USP34: variants seen among roughly 807,000 people sequenced by gnomAD.
USP34 encodes ubiquitin carboxyl-terminal hydrolase 34.
Under a neutral mutation model 460.3 loss-of-function variants are expected in USP34, and 70 were observed. The ratio of observed to expected loss-of-function variants is 0.15; its 90% CI spans 0.13 to 0.19. USP34 has a LOEUF of 0.19. Ranked by LOEUF, USP34 falls within the 10% of genes least tolerant of loss-of-function variation. The pLI, the probability that USP34 is intolerant of heterozygous loss-of-function variation, is 1.00. For synonymous variants in USP34, 1,647 were observed against 1,405.3 expected (o/e 1.17, Z -3.85); for missense variants, 3,985 against 4,236.2 (o/e 0.94, Z 1.65).
intron 1 of USP34, among the ~76,000 whole-genome samples, chr2:61,455,202 A>G (rs1695401517): frequency 6.6e-6 from 1 of 151,126 alleles, no homozygotes; most frequent in African/African-American, 2.4e-5. Flanking sequence ...TTTTTGAGAC[A>G]GAGTCTCCGT....
At chr2:61,382,956 A>G (rs1373949065) in intron 6 of USP34, among the ~76,000 whole-genome samples, 1 of 152,210 alleles carries the variant, frequency 6.6e-6, no homozygotes, top group Non-Finnish European at 1.5e-5. Context: ...CTTCTCTGCT[A>G]TATCCTCAGT....
chr2:61,397,994 T>A (rs2922089), intron 3 of USP34, among the ~76,000 whole-genome samples: 1 of 151,688 alleles, frequency 6.6e-6, no homozygotes, highest in Non-Finnish European at 1.5e-5. Flanking sequence ...TTGAACCCGC[T>A]TGGGGGAGGG....
intron 41 of USP34, among the ~76,000 whole-genome samples, chr2:61,268,344 T>A (rs1321145589): frequency 6.7e-6 from 1 of 148,472 alleles, no homozygotes; most frequent in African/African-American, 2.5e-5. Flanking sequence ...GTGAGAGGTG[T>A]TCGAGTCATC....
At chr2:61,328,563 CTCTGT>C (rs892939782) in intron 20 of USP34, among the ~76,000 whole-genome samples, 6 of 152,132 alleles carry the variant, frequency 3.9e-5, no homozygotes, top group South Asian at 4.1e-4. Context: ...GACAACATCT[CTCTGT>C]TCTAAGAGTT....
chr2:61,343,841 G>C lies in USP34; in HGVS notation c.2474C>G (p.Ser825Cys), dbSNP rs1480478884. 6.2e-7 allele frequency: 1 copy of C among 1,613,926 alleles called. No homozygotes were observed. The highest frequency in any genetic ancestry group is 1.1e-5 in the South Asian group (1 of 91,080). The stretch of plus-strand genomic sequence containing the variant: ...TTGACTAAGATGTTCATGGTAAATG[G>C]AAGCTAAATTGGGAAGATGTTGTTG... Reference protein sequence around the residue: ...HLQQHLPNLASIYHEHLSQGP... With the variant: ...HLQQHLPNLACIYHEHLSQGP... The change falls in exon 16 of 80, where the codon TCC (serine) becomes TGC (cysteine). Residue 825 changes from serine (S) to cysteine (C), a missense_variant. Coordinates refer to ENST00000398571, the MANE Select transcript of USP34 (RefSeq NM_014709.4).
chr2:61,374,029 G>A (rs569537771), intron 8 of USP34, among the ~76,000 whole-genome samples: 58 of 152,100 alleles, frequency 3.8e-4, no homozygotes, highest in African/African-American at 1.3e-3. Flanking sequence ...GGTGGCAGGT[G>A]CCTATAATCC....
At chr2:61,303,951 G>A (rs770469643) in intron 27 of USP34, among the ~76,000 whole-genome samples, 56 of 152,120 alleles carry the variant, frequency 3.7e-4, no homozygotes, top group Admixed American at 7.2e-4. Context: ...AGGCTGGAGT[G>A]CAATGGCATG....
rs1447565802 is a variant in USP34 at position 61,221,611 on chromosome 2, A to G, written c.7795-5T>C. 1.9e-6 allele frequency: 3 copies of G among 1,613,532 alleles called. No homozygotes were observed. Among genetic ancestry groups the G allele is most frequent in the Admixed American group, 1.7e-5 (1 of 59,950 alleles). On this transcript the variant is annotated splice_region_variant and splice_polypyrimidine_tract_variant and intron_variant, in intron 65 of 79. Transcript: ENST00000398571. Reference sequence around the variant, plus strand: ...CTTAAAGAAAGGATTGGCTGCCTGTAAAACACATACATGACTGTGTATTTA... The same window carrying G: ...CTTAAAGAAAGGATTGGCTGCCTGTGAAACACATACATGACTGTGTATTTA...
In USP34 at chr2:61,274,454, A is replaced by C. The variant is rs542782805; in HGVS notation, c.5433+3711T>G. Among the ~76,000 whole-genome samples, 5 of 152,148 alleles carry C rather than the reference A, an allele frequency of 3.3e-5. No homozygotes were observed. The South Asian group carries it at 8.3e-4, about 25-fold the overall frequency. On this transcript the variant is annotated intron_variant, in intron 41 of 79. Transcript: ENST00000398571. ...ATGAAGTCAAGACAGAAAAAAAAAA[A>C]AAACTTGCAATTCATATTACAGTGA... is the stretch of plus-strand genomic sequence containing the variant.
intron 1 of USP34, among the ~76,000 whole-genome samples, chr2:61,458,097 T>C (rs564089356): frequency 3.3e-5 from 5 of 152,270 alleles, no homozygotes; most frequent in South Asian, 4.1e-4. Flanking sequence ...GTTGCAATCA[T>C]AGAACTGATA....
intron 7 of USP34, among the ~76,000 whole-genome samples, chr2:61,379,585 C>G (rs964609703): frequency 3.3e-5 from 5 of 152,154 alleles, no homozygotes; most frequent in African/African-American, 1.2e-4. Context: ...GGGACTGCAA[C>G]AAACCGGAGA....
At chr2:61,189,215 A>G (rs187139509) in intron 78 of USP34, 146 bp from the exon 79 acceptor site, 41 of 838,018 alleles carry the variant, frequency 4.9e-5, no homozygotes, top group Non-Finnish European at 7.4e-5. Context: ...TAGAATGATA[A>G]AACCAGAAAG....
chr2:61,446,399 A>G (rs544282958), intron 1 of USP34, among the ~76,000 whole-genome samples: 1 of 152,346 alleles, frequency 6.6e-6, no homozygotes, highest in African/African-American at 2.4e-5. Context: ...TTTGTCTTAA[A>G]TATTTTCTTC....
intron 10 of USP34, among the ~76,000 whole-genome samples, chr2:61,360,277 T>C (rs1692235485): frequency 6.6e-6 from 1 of 152,112 alleles, no homozygotes; most frequent in African/African-American, 2.4e-5. Flanking sequence ...CAAATGATCA[T>C]ATATATGTAG....
intron 1 of USP34, among the ~76,000 whole-genome samples, chr2:61,435,326 A>AAAAAAAAAAAAAAC (rs1694782737): frequency 6.7e-6 from 1 of 150,202 alleles, no homozygotes; most frequent in Non-Finnish European, 1.5e-5. Context: ...AAAAAAAAAA[A>AAAAAAAAAAAAAAC]AAAGAACTCT....
In USP34 at chr2:61,368,085, A is replaced by G. The variant is rs181892406; in HGVS notation, c.1251+2236T>C. Among the ~76,000 whole-genome samples, 7 of 152,294 alleles carry G rather than the reference A, an allele frequency of 4.6e-5. No homozygotes were observed. The East Asian group carries it at 7.7e-4, about 17-fold the overall frequency. On this transcript the variant is annotated intron_variant, in intron 10 of 79. Transcript: ENST00000398571. ...TATGGGTGACAGGGTCTCTGTTATGATTACTGAACTCTGCTGTTGTGCTGT... is the reference window on the plus strand; with the variant it reads ...TATGGGTGACAGGGTCTCTGTTATGGTTACTGAACTCTGCTGTTGTGCTGT...
chr2:61,398,460 C>T (rs1404597493), intron 3 of USP34, among the ~76,000 whole-genome samples: 2 of 85,232 alleles, frequency 2.3e-5, no homozygotes, highest in Admixed American at 1.7e-4. Flanking sequence ...GGGGGAAGGA[C>T]GGAGAAGCGG....
Position 61,202,356 on chromosome 2 carries a change from G to C in USP34, c.9508+784C>G, listed in dbSNP as rs1202937945. The stretch of plus-strand genomic sequence containing the variant: ...TTCACGTCCCACTCTGAAAACTATA[G>C]AACATTGGAGAGGATCCTGGCCCAT... On this transcript the variant is annotated intron_variant, in intron 75 of 79. Transcript: ENST00000398571. 3.9e-5 allele frequency among the ~76,000 whole-genome samples: 6 copies of C among 152,104 alleles called. 1 individual carries two copies. The highest frequency in any genetic ancestry group is 7.4e-5 in the Non-Finnish European group (5 of 68,020).
intron 5 of USP34, among the ~76,000 whole-genome samples, chr2:61,387,780 GTA>G (rs1203113932): frequency 2.2e-5 from 3 of 139,170 alleles, no homozygotes; most frequent in Admixed American, 1.5e-4. Context: ...ATATTTTTAC[GTA>G]TACACACATG....
Sources: gnomAD v4.1 joint callset for allele counts (sites outside exome capture counted in the v4.1 genomes callset) on GRCh38, gnomAD v4.1.1 for gene constraint, MANE v1.5 for transcripts, NCBI Gene and HGNC (gene_info 2026-07-23, HGNC 2026-07-21) for gene names.